The following SEC63 variants were observed in gnomAD, a reference collection of about 807,000 sequenced individuals.
SEC63 encodes translocation protein SEC63 homolog.
SEC63 carries 56 observed loss-of-function variants against 116.2 expected under a neutral mutation model. The ratio of observed to expected loss-of-function variants is 0.48; its 90% CI spans 0.39 to 0.60. The LOEUF is 0.60. SEC63 is among the 20% of genes least tolerant of loss of function. The pLI is 0.00. For synonymous variants in SEC63, 273 were observed against 294.6 expected, an observed-to-expected ratio of 0.93 and a Z score of 0.75; for missense variants, 668 against 900.0, an observed-to-expected ratio of 0.74 and a Z score of 3.30.
Position 107,904,701 on chromosome 6 carries a change from T to C in SEC63, c.982A>G (p.Lys328Glu), listed in dbSNP as rs759223012. The C allele has an allele frequency of 3.7e-6, 6 of 1,613,372 alleles. No homozygotes were observed. The highest frequency in any genetic ancestry group is 5.1e-6 in the Non-Finnish European group (6 of 1,179,304). ...LEEDQQFMLK[K>E]CPALLQEMVN... ...ATTTCTTGAAGTAGGGCAGGACACTTTTTTAGCATGAATTGCTGATCTGCA... is the reference window on the plus strand; with the variant it reads ...ATTTCTTGAAGTAGGGCAGGACACTCTTTTAGCATGAATTGCTGATCTGCA... The change falls in exon 11 of 21, where the codon AAG (lysine) becomes GAG (glutamate). Residue 328 changes from lysine (K) to glutamate (E), a missense_variant. Lys to Glu is a moderately conservative substitution (Grantham distance 56). Around this residue, in one of 5 missense-constraint regions of SEC63, gnomAD observed 430 missense variants for 557.5 expected, o/e 0.77. Coordinates refer to ENST00000369002, the MANE Select transcript of SEC63 (RefSeq NM_007214.5).
At chr6:107,954,507 A>C (rs1184722901) in intron 1 of SEC63, 1 of 146,728 alleles carries the variant, frequency 6.8e-6, no homozygotes, top group Non-Finnish European at 1.5e-5. Flanking sequence ...AGAATTTTTC[A>C]GATTTTAGAA....
At chr6:107,879,254 C>T (rs1786350441) in intron 18 of SEC63, among the ~76,000 whole-genome samples, 1 of 152,214 alleles carries the variant, frequency 6.6e-6, no homozygotes, top group Non-Finnish European at 1.5e-5. Flanking sequence ...ACCTCCGCCT[C>T]CCAGGTTCAA....
At chr6:107,874,214 CCAA>C (rs1786198161) in intron 19 of SEC63, among the ~76,000 whole-genome samples, 1 of 152,064 alleles carries the variant, frequency 6.6e-6, no homozygotes, top group Non-Finnish European at 1.5e-5. Context: ...TAATGAGTAA[CCAA>C]CGAGACAAAT....
chr6:107,925,873 G>A (rs775631752), intron 2 of SEC63, among the ~76,000 whole-genome samples: 15 of 151,760 alleles, frequency 9.9e-5, no homozygotes, highest in Admixed American at 7.9e-4. Context: ...TTTTTTAGAC[G>A]GAGTCTCGCT....
At chr6:107,915,862 C>T (rs895782617) in intron 4 of SEC63, among the ~76,000 whole-genome samples, 1 of 152,124 alleles carries the variant, frequency 6.6e-6, no homozygotes, top group Admixed American at 6.6e-5. Context: ...TATATTTATG[C>T]AAGTTACATA....
At chr6:107,896,686 T>C (rs1786840590) in intron 14 of SEC63, among the ~76,000 whole-genome samples, 1 of 151,906 alleles carries the variant, frequency 6.6e-6, no homozygotes, top group Admixed American at 6.6e-5. Flanking sequence ...CTAAAGAAAA[T>C]GAGAGAGACG....
At chr6:107,899,618 G>T (rs1786951051) in intron 13 of SEC63, among the ~76,000 whole-genome samples, 1 of 152,036 alleles carries the variant, frequency 6.6e-6, no homozygotes, top group Non-Finnish European at 1.5e-5. Context: ...ACTTGGGAGG[G>T]CTGAGGCAGG....
chr6:107,934,585 C>A (rs1298994431), intron 1 of SEC63, among the ~76,000 whole-genome samples: 4 of 148,388 alleles, frequency 2.7e-5, no homozygotes, highest in African/African-American at 1.0e-4. Context: ...AAGTGAGGAG[C>A]GTCTCCGCCC....
intron 1 of SEC63, among the ~76,000 whole-genome samples, chr6:107,939,102 G>C (rs1041534057): frequency 6.6e-6 from 1 of 151,686 alleles, no homozygotes; most frequent in Non-Finnish European, 1.5e-5. Context: ...GGGCAACACA[G>C]GGAGACCTTG....
intron 1 of SEC63, among the ~76,000 whole-genome samples, chr6:107,937,834 AT>A (rs1353250414): frequency 6.6e-6 from 1 of 152,072 alleles, no homozygotes; most frequent in Non-Finnish European, 1.5e-5. Context: ...TAAAAAAAAA[AT>A]TTCTTCTTTT....
chr6:107,946,259 G>T (rs910517900), intron 1 of SEC63, among the ~76,000 whole-genome samples: 1 of 149,244 alleles, frequency 6.7e-6, no homozygotes, highest in Non-Finnish European at 1.5e-5. Flanking sequence ...TTAGACAAGA[G>T]TCTCACTCTG....
rs190015566 is a variant in SEC63, at chr6:107,908,650, A to C, written c.733+277T>G. Among the ~76,000 whole-genome samples, 630 of 152,350 alleles carry C rather than the reference A, an allele frequency of 4.1e-3. 3 individuals are homozygous for C. The highest frequency in any genetic ancestry group is 0.014 in the African/African-American group (591 of 41,570). On this transcript the variant is annotated intron_variant, in intron 8 of 20. Transcript: ENST00000369002. ...TAACTAGCAGTGTCTGGCATACAAC[A>C]AATAATAAATGTTAGCTAGAATTAC...
chr6:107,875,021 T>C (rs1016460711), intron 19 of SEC63, among the ~76,000 whole-genome samples: 13 of 149,146 alleles, frequency 8.7e-5, no homozygotes, highest in African/African-American at 3.1e-4. Flanking sequence ...AGGTCCTGGA[T>C]TTTGTTTTTG....
At chr6:107,936,915 C>A (rs748844852) in intron 1 of SEC63, among the ~76,000 whole-genome samples, 20 of 152,222 alleles carry the variant, frequency 1.3e-4, no homozygotes, top group Admixed American at 1.3e-4. Flanking sequence ...CCTCCCTCTA[C>A]TAGACCTCAG....
At position 107,882,736 on chromosome 6, in the gene SEC63, C is replaced by A. The variant is rs12193403; in HGVS notation, c.1833+252G>T. ...AACTGACCTAACCTCAAACCCAGGT[C>A]CTACTCTACCTAACAATTTAATATT... On this transcript the variant is annotated intron_variant, in intron 17 of 20. Coordinates refer to ENST00000369002, the MANE Select transcript of SEC63 (RefSeq NM_007214.5). Among the ~76,000 whole-genome samples, 124,622 of 152,092 alleles carry A rather than the reference C, an allele frequency of 0.82. 51,360 individuals carry two copies. Among genetic ancestry groups the A allele is most frequent in the Middle Eastern group, 0.91 (267 of 294 alleles).
rs753107392 is a variant in SEC63, at chr6:107,924,919, G to C, written c.238C>G (p.Leu80Val). 6.3e-7 allele frequency: 1 copy of C among 1,582,770 alleles called. No homozygotes were observed. The highest frequency in any genetic ancestry group is 2.2e-5 in the East Asian group (1 of 44,642). ...IIPTVKKIVLLAGWALFLFLA... is the reference protein window; with the variant it reads ...IIPTVKKIVLVAGWALFLFLA... ...AATAAGAACAATGCCCATCCTGCAA[G>C]CAGAACTATTTTCCTGTTTAGGAAA... The change falls in exon 3 of 21, where the codon CTT (leucine) becomes GTT (valine). Residue 80 changes from leucine (L) to valine (V), a missense_variant. Coordinates refer to ENST00000369002, the MANE Select transcript of SEC63 (RefSeq NM_007214.5).
At chr6:107,935,083 CT>C (rs1770176517) in intron 1 of SEC63, among the ~76,000 whole-genome samples, 1 of 142,066 alleles carries the variant, frequency 7.0e-6, no homozygotes, top group Non-Finnish European at 1.5e-5. Flanking sequence ...TGAGGAGCCC[CT>C]CTGCCTGGCC....
chr6:107,945,548 C>T (rs1467570206), intron 1 of SEC63, among the ~76,000 whole-genome samples: 2 of 151,952 alleles, frequency 1.3e-5, no homozygotes, highest in Non-Finnish European at 2.9e-5. Flanking sequence ...TCGTGATCCA[C>T]CCCCCTCGGC....
Position 107,948,959 on chromosome 6 carries a change from G to A in SEC63, c.124+8927C>T, listed in dbSNP as rs539958506. ...ATAAGCTTCTGAACTACATTGGGATGTGGGGAATCACTCTGTGGTTCGCCC... is the reference window on the plus strand; with the variant it reads ...ATAAGCTTCTGAACTACATTGGGATATGGGGAATCACTCTGTGGTTCGCCC... On this transcript the variant is annotated intron_variant, in intron 1 of 20. Coordinates refer to ENST00000369002, the MANE Select transcript of SEC63 (RefSeq NM_007214.5). Among the ~76,000 whole-genome samples, 8 of 152,312 alleles carry A rather than the reference G, an allele frequency of 5.3e-5. 1 individual carries two copies. The highest frequency in any genetic ancestry group is 1.9e-4 in the African/African-American group (8 of 41,568).
Sources: allele counts gnomAD v4.1 joint callset (sites outside exome capture counted in the v4.1 genomes callset), GRCh38; gene constraint gnomAD v4.1.1; regional missense constraint gnomAD v4.1.1; transcripts MANE v1.5; gene names NCBI Gene and HGNC (gene_info 2026-07-23, HGNC 2026-07-21).